The following ATP2B2 variants were observed in gnomAD, a reference collection of about 807,000 sequenced individuals.
ATP2B2 encodes plasma membrane calcium-transporting ATPase 2.
Under a neutral mutation model 120.0 loss-of-function variants are expected in ATP2B2, and 15 were observed. The observed-to-expected ratio is 0.12, with a 90% CI of 0.08 to 0.19. ATP2B2 has a LOEUF of 0.19. ATP2B2 is among the 10% of genes least tolerant of loss of function. ATP2B2 has a pLI of 1.00. For synonymous variants in ATP2B2, 694 were observed against 700.3 expected (o/e 0.99, Z 0.14); for missense variants, 1,045 against 1,719.8 (o/e 0.61, Z 6.94).
At chr3:10,462,290 A>C (rs943808533) in intron 1 of ATP2B2, among the ~76,000 whole-genome samples, 9 of 152,116 alleles carry the variant, frequency 5.9e-5, no homozygotes, top group African/African-American at 1.9e-4. Context: ...CCACAGCACT[A>C]TCTGGGCCAC....
intron 1 of ATP2B2, among the ~76,000 whole-genome samples, chr3:10,464,121 C>T (rs2064625496): frequency 6.6e-6 from 1 of 152,224 alleles, no homozygotes; most frequent in Non-Finnish European, 1.5e-5. Context: ...TAGCTCTTCC[C>T]CTGACTTGGC....
chr3:10,420,609 G>A (rs993779054), intron 2 of ATP2B2, among the ~76,000 whole-genome samples: 1 of 152,196 alleles, frequency 6.6e-6, no homozygotes, highest in Non-Finnish European at 1.5e-5. Flanking sequence ...TGATCCACCC[G>A]CCTTGGCCTC....
At chr3:10,605,123 A>G (rs1485477378) in intron 2 of ATP2B2, among the ~76,000 whole-genome samples, 1 of 152,224 alleles carries the variant, frequency 6.6e-6, no homozygotes, top group African/African-American at 2.4e-5. Context: ...CCACTAGAGT[A>G]TGAGCCCACT....
chr3:10,449,693 T>G lies in ATP2B2; in HGVS notation c.-150A>C, dbSNP rs2125181951. 3 of 901,162 alleles carry G rather than the reference T, an allele frequency of 3.3e-6. No individual in the cohort carries two copies. Among genetic ancestry groups the G allele is most frequent in the Non-Finnish European group, 3.5e-6 (2 of 563,992 alleles). 55.8% of individuals were successfully genotyped at this position (901,162 alleles called of 1,614,324 possible). A position where few individuals can be genotyped will look rare whatever the true frequency, so the allele number is the denominator to read the frequency against. On this transcript the variant is annotated 5_prime_UTR_variant, in exon 2 of 23. Coordinates refer to ENST00000360273, the MANE Select transcript of ATP2B2 (RefSeq NM_001001331.4). The stretch of plus-strand genomic sequence containing the variant: ...GACTCCGGGTCCCGGGGGGTGGGGG[T>G]GGCCGAGGCGGGCTGGTGACAGTGG...
chr3:10,616,221 T>G (rs1406033783), intron 2 of ATP2B2, among the ~76,000 whole-genome samples: 2 of 152,152 alleles, frequency 1.3e-5, no homozygotes, highest in African/African-American at 4.8e-5. Context: ...TATATTTGGA[T>G]ATAGGGTTTT....
chr3:10,471,364 C>CTGTGTGTGTGTG (rs58583936), intron 1 of ATP2B2, among the ~76,000 whole-genome samples: 63 of 150,456 alleles, frequency 4.2e-4, no homozygotes, highest in Non-Finnish European at 7.4e-4. Flanking sequence ...TTCAGGAAAC[C>CTGTGTGTGTGTG]TGTGTGTGTG....
upstream of ATP2B2, among the ~76,000 whole-genome samples, chr3:10,508,913 G>A (rs988183047): frequency 9.2e-5 from 14 of 152,224 alleles, no homozygotes; most frequent in Non-Finnish European, 5.9e-5. Context: ...GACACCGATT[G>A]AGAGTCAGGG....
intron 2 of ATP2B2, among the ~76,000 whole-genome samples, chr3:10,413,861 T>C (rs1390852816): frequency 2.6e-5 from 4 of 152,192 alleles, no homozygotes; most frequent in Non-Finnish European, 5.9e-5. Context: ...TTCCTGGGAA[T>C]GAGTTTTGAC....
intron 2 of ATP2B2, among the ~76,000 whole-genome samples, chr3:10,592,639 C>A (rs557968249): frequency 5.1e-4 from 77 of 152,372 alleles, no homozygotes; most frequent in Non-Finnish European, 8.5e-4. Context: ...ACATGAAACA[C>A]CCACGGCCAC....
intron 1 of ATP2B2, among the ~76,000 whole-genome samples, chr3:10,649,697 C>T (rs932997193): frequency 6.6e-6 from 1 of 152,244 alleles, no homozygotes; most frequent in African/African-American, 2.4e-5. Flanking sequence ...ACCCATATCT[C>T]ATCTTGAATT....
intron 13 of ATP2B2, 129 bp from the exon 14 acceptor site, chr3:10,359,054 C>T (rs1024469246): frequency 2.1e-5 from 19 of 888,072 alleles, no homozygotes; most frequent in Non-Finnish European, 3.1e-5. Context: ...CTAGTTCATC[C>T]CCCAGGCAGG....
At chr3:10,591,412 A>AC (rs1407649645) in intron 2 of ATP2B2, among the ~76,000 whole-genome samples, 1 of 151,990 alleles carries the variant, frequency 6.6e-6, no homozygotes, top group Non-Finnish European at 1.5e-5. Context: ...ACACTAGCTG[A>AC]CCCCCATGGC....
chr3:10,506,765 G>A (rs1051358870), upstream of ATP2B2, among the ~76,000 whole-genome samples: 2 of 152,152 alleles, frequency 1.3e-5, no homozygotes, highest in Non-Finnish European at 2.9e-5. Flanking sequence ...GCTGGAGGCG[G>A]CCCCGGGAGG....
chr3:10,458,806 A>G (rs2064367766), intron 1 of ATP2B2, among the ~76,000 whole-genome samples: 1 of 152,242 alleles, frequency 6.6e-6, no homozygotes, highest in Non-Finnish European at 1.5e-5. Flanking sequence ...CGCCACGGCC[A>G]TATGGGTAGG....
At chr3:10,417,215 A>C (rs374293868) in intron 2 of ATP2B2, among the ~76,000 whole-genome samples, 49 of 140,862 alleles carry the variant, frequency 3.5e-4, no homozygotes, top group African/African-American at 1.3e-3. Flanking sequence ...AGGCGCTTCT[A>C]ATTTCCCAGA....
chr3:10,457,807 C>G (rs2064325798), intron 1 of ATP2B2, among the ~76,000 whole-genome samples: 1 of 106,396 alleles, frequency 9.4e-6, no homozygotes. Flanking sequence ...AAAGGAAAAT[C>G]TAAAAAAAAA....
At chr3:10,423,673 C>T (rs2063061718) in intron 2 of ATP2B2, among the ~76,000 whole-genome samples, 1 of 152,186 alleles carries the variant, frequency 6.6e-6, no homozygotes, top group Non-Finnish European at 1.5e-5. Flanking sequence ...GAAGCACTTC[C>T]CTGTCCCTCC....
In ATP2B2 at chr3:10,402,137, G is replaced by A; in HGVS notation, c.609C>T (p.Ile203=). The A allele has an allele frequency of 6.2e-7, 1 of 1,614,158 alleles. No homozygotes were observed. Among genetic ancestry groups the A allele is most frequent in the African/African-American group, 1.3e-5 (1 of 75,040 alleles). Residue 203 remains isoleucine (I), a synonymous_variant, in exon 4 of 23, where the codon ATC becomes ATT. Transcript: ENST00000360273. The surrounding 1 kb of genome is among the most constrained non-coding windows in gnomAD (Gnocchi z 4.9). ...TVVRAGQVVQ[I]PVAEIVVGDI... ...CCCCAACCACGATCTCAGCCACAGGGATCTGGACCACCTGGCCAGCCCGGA... is the reference window on the plus strand; with the variant it reads ...CCCCAACCACGATCTCAGCCACAGGAATCTGGACCACCTGGCCAGCCCGGA...
chr3:10,630,328 A>T (rs1246797043), intron 1 of ATP2B2, among the ~76,000 whole-genome samples: 2 of 151,980 alleles, frequency 1.3e-5, no homozygotes, highest in Admixed American at 6.6e-5. Flanking sequence ...CCTTCCACCC[A>T]CCAAGAGGTC....
Sources: gnomAD v4.1 joint callset for allele counts (sites outside exome capture counted in the v4.1 genomes callset) on GRCh38, gnomAD v4.1.1 for gene constraint, Gnocchi (gnomAD v3.1) non-coding constraint, MANE v1.5 for transcripts, NCBI Gene and HGNC (gene_info 2026-07-23, HGNC 2026-07-21) for gene names.